REPS1: variants seen among roughly 807,000 people sequenced by gnomAD.
REPS1 encodes the protein ralBP1-associated Eps domain-containing protein 1.
Under a neutral mutation model 100.9 loss-of-function variants are expected in REPS1, and 39 were observed. The ratio of observed to expected loss-of-function variants is 0.39; its 90% CI spans 0.30 to 0.50. The LOEUF is 0.50. REPS1 is among the 20% of genes least tolerant of loss of function. The pLI, the probability that REPS1 is intolerant of heterozygous loss-of-function variation, is 0.86. For synonymous variants in REPS1, 324 were observed against 340.3 expected, an observed-to-expected ratio of 0.95 and a Z score of 0.53; for missense variants, 821 against 968.5, an observed-to-expected ratio of 0.85 and a Z score of 2.02.
chr6:138,987,616 T>C lies in REPS1; in HGVS notation c.67A>G (p.Ile23Val). 1.3e-6 allele frequency: 2 copies of C among 1,551,170 alleles called. No homozygotes were observed. The highest frequency in any genetic ancestry group is 1.7e-6 in the Non-Finnish European group (2 of 1,146,708). Residue 23 changes from isoleucine (I) to valine (V), a missense_variant, in exon 1 of 20, where the codon ATT becomes GTT. Physicochemically the swap from Ile to Val is conservative, Grantham distance 29. Transcript: ENST00000450536. ...ACCACCACCTTCTTGGTGCTCTCAATGTCGCAGTAGGAGAAGAGATCTGAA... is the reference window on the plus strand; with the variant it reads ...ACCACCACCTTCTTGGTGCTCTCAACGTCGCAGTAGGAGAAGAGATCTGAA... Reference protein sequence around the residue: ...YYSDLFSYCDIESTKKVVVNG... With the variant: ...YYSDLFSYCDVESTKKVVVNG...
intron 1 of REPS1, among the ~76,000 whole-genome samples, chr6:138,949,099 T>C (rs1225289537): frequency 6.6e-6 from 1 of 152,228 alleles, no homozygotes; most frequent in African/African-American, 2.4e-5. Flanking sequence ...TCTACTCTTC[T>C]GCCCACTTGA....
intron 19 of REPS1, among the ~76,000 whole-genome samples, chr6:138,906,440 T>C (rs748459669): frequency 6.6e-6 from 1 of 152,210 alleles, no homozygotes; most frequent in Non-Finnish European, 1.5e-5. Context: ...GCCTAAATGA[T>C]AGTAATACCA....
rs138314412 is a variant in REPS1 at position 138,918,240 on chromosome 6, C to T, written c.1529-613G>A. 2.9e-3 allele frequency among the ~76,000 whole-genome samples: 447 copies of T among 151,984 alleles called. 1 individual carries two copies. Among genetic ancestry groups the T allele is most frequent in the African/African-American group, 0.01 (422 of 41,424 alleles). On this transcript the variant is annotated intron_variant, in intron 12 of 19. Coordinates refer to ENST00000450536, the MANE Select transcript of REPS1 (RefSeq NM_001286611.2). The stretch of plus-strand genomic sequence containing the variant: ...TGCTGGGATTACAGGTGTGAGCCAC[C>T]GTGCCTGGCCCAATAAAACAACTAT...
At position 138,908,364 on chromosome 6, in the gene REPS1, G is replaced by A. The variant is rs898712742; in HGVS notation, c.2216+304C>T. 9.2e-5 allele frequency among the ~76,000 whole-genome samples: 14 copies of A among 151,972 alleles called. No individual in the cohort carries two copies. In the South Asian group the frequency reaches 2.1e-3, roughly 22 times the overall value. On this transcript the variant is annotated intron_variant, in intron 18 of 19. Coordinates refer to ENST00000450536, the MANE Select transcript of REPS1 (RefSeq NM_001286611.2). ...GGCTGGAGTGCAGTGGTGCCACCTC[G>A]GCTCACTGCAACCTCCGCCTCCTGG...
At position 138,911,391 on chromosome 6, in the gene REPS1, T is replaced by A. The variant is rs1332613965; in HGVS notation, c.1972-20A>T. The A allele has an allele frequency of 1.5e-5, 22 of 1,446,032 alleles. No homozygotes were observed. The highest frequency in any genetic ancestry group is 8.4e-5 in the Admixed American group (5 of 59,638). The allele number at this position is 1,446,032 out of a possible 1,614,324, so 89.6% of individuals were successfully genotyped here. ...TTCAGCCTAAAAATGAATATGTTTA[T>A]CACTATTAATTCTACATAACATGTA... On this transcript the variant is annotated intron_variant, in intron 16 of 19. Transcript: ENST00000450536.
At chr6:138,946,021 C>A (rs1178098331) in intron 2 of REPS1, among the ~76,000 whole-genome samples, 1 of 152,168 alleles carries the variant, frequency 6.6e-6, no homozygotes, top group Non-Finnish European at 1.5e-5. Flanking sequence ...CTGCAAAGCT[C>A]CTATTTACAG....
rs756044356 is a variant in REPS1, at chr6:138,943,583, T to C, written c.917-7A>G. Reference sequence around the variant, plus strand: ...AACTCTTTAGCTGCAGATCCTGAAATATTAAAACAGTGTTGTTTAATGTTA... The same window carrying C: ...AACTCTTTAGCTGCAGATCCTGAAACATTAAAACAGTGTTGTTTAATGTTA... On this transcript the variant is annotated splice_region_variant and splice_polypyrimidine_tract_variant and intron_variant, in intron 6 of 19. Coordinates refer to ENST00000450536, the MANE Select transcript of REPS1 (RefSeq NM_001286611.2). 1 of 1,564,596 alleles carries C rather than the reference T, an allele frequency of 6.4e-7. No homozygotes were observed. The highest frequency in any genetic ancestry group is 1.4e-5 in the African/African-American group (1 of 73,820).
At chr6:138,963,038 C>A (rs927330808) in intron 1 of REPS1, among the ~76,000 whole-genome samples, 3 of 152,234 alleles carry the variant, frequency 2.0e-5, no homozygotes, top group Admixed American at 2.0e-4. Flanking sequence ...CAATCTTCCT[C>A]CCCAAACTTA....
intron 1 of REPS1, among the ~76,000 whole-genome samples, chr6:138,948,570 T>C (rs1026021625): frequency 1.3e-5 from 2 of 152,216 alleles, no homozygotes; most frequent in Admixed American, 6.5e-5. Context: ...CAAGTATTTC[T>C]AGACTTGCTA....
intron 8 of REPS1, among the ~76,000 whole-genome samples, chr6:138,937,698 A>G (rs1320592533): frequency 6.6e-6 from 1 of 152,212 alleles, no homozygotes; most frequent in Admixed American, 6.5e-5. Context: ...GCTGAGTTGC[A>G]CATGTGAGCA....
intron 1 of REPS1, among the ~76,000 whole-genome samples, chr6:138,952,494 G>A (rs1308332891): frequency 6.6e-6 from 1 of 151,494 alleles, no homozygotes; most frequent in Non-Finnish European, 1.5e-5. Flanking sequence ...CCACCTCCTG[G>A]GTACAAGCGA....
At chr6:138,950,353 T>C (rs1782936137) in intron 1 of REPS1, among the ~76,000 whole-genome samples, 2 of 152,150 alleles carry the variant, frequency 1.3e-5, no homozygotes, top group South Asian at 2.1e-4. Context: ...TGGTGGCACA[T>C]GCCTATAGTC....
chr6:138,957,459 G>C (rs1287322459), intron 1 of REPS1, among the ~76,000 whole-genome samples: 3 of 152,178 alleles, frequency 2.0e-5, no homozygotes, highest in Non-Finnish European at 4.4e-5. Context: ...TGGAAAGAAT[G>C]GACATTTTCA....
In REPS1 at chr6:138,914,690, G is replaced by A; in HGVS notation, c.1785+7C>T. The stretch of plus-strand genomic sequence containing the variant: ...GACATTTAGTAATAAATACCTTGGA[G>A]AATTACCTGTGAGGGCTGTGGTCTT... On this transcript the variant is annotated splice_region_variant and intron_variant, in intron 15 of 19. Transcript: ENST00000450536. 6.2e-7 allele frequency: 1 copy of A among 1,610,192 alleles called. No individual in the cohort carries two copies. The highest frequency in any genetic ancestry group is 8.5e-7 in the Non-Finnish European group (1 of 1,176,480).
chr6:138,930,030 G>A lies in REPS1; in HGVS notation c.1204C>T (p.Pro402Ser). 6.2e-7 allele frequency: 1 copy of A among 1,613,728 alleles called. No homozygotes were observed. The highest frequency in any genetic ancestry group is 8.5e-7 in the Non-Finnish European group (1 of 1,179,730). The change falls in exon 9 of 20, where the codon CCA becomes TCA. Residue 402 changes from proline (P) to serine (S), a missense_variant. Coordinates refer to ENST00000450536, the MANE Select transcript of REPS1 (RefSeq NM_001286611.2). ...SPAEAPPSKSPSMPSLNQTWP... is the reference protein window; with the variant it reads ...SPAEAPPSKSSSMPSLNQTWP... ...GTCTGGTTTAGTGATGGCATCGATGGTGACTTGCTTGGAGGAGCTTCAGCA... is the reference window on the plus strand; with the variant it reads ...GTCTGGTTTAGTGATGGCATCGATGATGACTTGCTTGGAGGAGCTTCAGCA...
At chr6:138,947,733 A>C in intron 2 of REPS1, 57 bp downstream of exon 2, 9 of 1,382,690 alleles carry the variant, frequency 6.5e-6, no homozygotes, top group Non-Finnish European at 7.7e-6. Context: ...TATTGACTTG[A>C]CTTCATTTGT....
Position 138,912,854 on chromosome 6 carries a change from C to A in REPS1, c.1882G>T (p.Ala628Ser). The change falls in exon 16 of 20, where the codon GCA becomes TCA. Residue 628 changes from alanine to serine, a missense_variant. Ala to Ser is a moderately conservative substitution (Grantham distance 99, BLOSUM62 1). This residue lies in a region of REPS1 where 757 missense variants were observed against 866.4 expected (regional missense o/e 0.87). Transcript: ENST00000450536. ...PQQIPEQPNF[A>S]DFSQFEVFAA... is the part of the protein sequence containing the mutation. ...AATACTTCAAACTGACTGAAATCTG[C>A]AAAATTTGGTTGCTCTGGTATCTGC... is the stretch of plus-strand genomic sequence containing the variant. 1.9e-6 allele frequency: 3 copies of A among 1,614,046 alleles called. No homozygotes were observed. The highest frequency in any genetic ancestry group is 2.5e-6 in the Non-Finnish European group (3 of 1,179,996).
At chr6:138,934,224 C>T in intron 8 of REPS1, 1 of 433,052 alleles carries the variant, frequency 2.3e-6, no homozygotes, top group South Asian at 1.6e-5. Flanking sequence ...TTTACTCTTA[C>T]CTGATGCAGT....
chr6:138,943,082 C>T (rs1187362793), intron 7 of REPS1, among the ~76,000 whole-genome samples: 1 of 152,190 alleles, frequency 6.6e-6, no homozygotes, highest in African/African-American at 2.4e-5. Flanking sequence ...TGTGATTACA[C>T]TTTGTGTTCT....
Sources: gnomAD v4.1 joint callset for allele counts (sites outside exome capture counted in the v4.1 genomes callset) on GRCh38, gnomAD v4.1.1 for gene constraint, gnomAD v4.1.1 regional missense constraint, MANE v1.5 for transcripts, NCBI Gene and HGNC (gene_info 2026-07-23, HGNC 2026-07-21) for gene names.